Variants in HMCN2 observed in about 807,000 individuals in gnomAD.
HMCN2 encodes hemicentin-2.
HMCN2 carries 325 observed loss-of-function variants against 377.5 expected under a neutral mutation model. The observed-to-expected ratio is 0.86, with a 90% CI of 0.79 to 0.94. The LOEUF is 0.94. Among genes scored for constraint, HMCN2 ranks in the 40% least tolerant of loss-of-function variants. HMCN2 has a pLI of 0.00. For missense variants in HMCN2, 4,543 were observed against 4,725.3 expected (o/e 0.96, Z 1.13); for synonymous variants, 2,007 against 2,046.8 (o/e 0.98, Z 0.53).
chr9:130,387,630 C>T (rs945596743), intron 61 of HMCN2, among the ~76,000 whole-genome samples: 2 of 152,188 alleles, frequency 1.3e-5, no homozygotes, highest in Admixed American at 6.5e-5. Context: ...CTAGAGTGAT[C>T]GTGGGCTCAG....
At chr9:130,404,023 G>A in intron 80 of HMCN2, 148 bp downstream of exon 80, 5 of 750,738 alleles carry the variant, frequency 6.7e-6, no homozygotes, top group Non-Finnish European at 9.1e-6. Context: ...GTGCGCCTGA[G>A]TTCTGGTTTC....
chr9:130,399,479 C>A lies in HMCN2; in HGVS notation c.11484-32C>A, dbSNP rs762753574. On this transcript the variant is annotated intron_variant, in intron 75 of 97. Coordinates refer to ENST00000683500, the MANE Select transcript of HMCN2 (RefSeq NM_001291815.2). The stretch of plus-strand genomic sequence containing the variant: ...CCACAGCTGGTCTCTGTCAGCCCAG[C>A]AGCCACTTGGCCGTCTGTCTGTCCA... 3 of 1,253,924 alleles carry A rather than the reference C, an allele frequency of 2.4e-6. No individual in the cohort carries two copies. The South Asian group carries it at 3.8e-5, about 16-fold the overall frequency. 77.7% of individuals were successfully genotyped at this position (1,253,924 alleles called of 1,614,324 possible).
At chr9:130,322,726 T>C (rs1245832565) in intron 19 of HMCN2, among the ~76,000 whole-genome samples, 2 of 152,212 alleles carry the variant, frequency 1.3e-5, no homozygotes, top group Non-Finnish European at 2.9e-5. Context: ...TCACAGAGAT[T>C]GTACGTTTTT....
At chr9:130,390,420 AGTTGCTCGT>A (rs943282811) in intron 62 of HMCN2, among the ~76,000 whole-genome samples, 2 of 152,180 alleles carry the variant, frequency 1.3e-5, no homozygotes, top group African/African-American at 4.8e-5. Context: ...GACATGGGGC[AGTTGCTCGT>A]GTCTTTGTGT....
chr9:130,428,622 A>G lies in HMCN2; in HGVS notation c.14197+133A>G, dbSNP rs749331858. 17 of 1,279,252 alleles carry G rather than the reference A, an allele frequency of 1.3e-5. No individual in the cohort carries two copies. Among genetic ancestry groups the G allele is most frequent in the Non-Finnish European group, 1.7e-5 (16 of 941,806 alleles). 79.2% of individuals were successfully genotyped at this position (1,279,252 alleles called of 1,614,324 possible). On this transcript the variant is annotated intron_variant, in intron 93 of 97. Coordinates refer to ENST00000683500, the MANE Select transcript of HMCN2 (RefSeq NM_001291815.2). The surrounding 1 kb of genome is among the most constrained non-coding windows in gnomAD (Gnocchi z 5.0). Reference sequence around the variant, plus strand: ...GACTGGGACTCTTGGCAGAAGGAGTACAGCAAGGCTGGGGACAAAGCCTGC... The same window carrying G: ...GACTGGGACTCTTGGCAGAAGGAGTGCAGCAAGGCTGGGGACAAAGCCTGC...
At chr9:130,349,484 G>T in intron 28 of HMCN2, 53 bp from the exon 29 acceptor site, 2 of 1,287,630 alleles carry the variant, frequency 1.6e-6, no homozygotes, top group Non-Finnish European at 2.0e-6. Flanking sequence ...CGTGGTAGGC[G>T]GGGCTTGCAG....
rs1564863778 is a variant in HMCN2 at position 130,406,042 on chromosome 9, C to T, written c.12427C>T (p.Pro4143Ser). Reference sequence around the variant, plus strand: ...CGTGCACCTCACCATCCTGGTACTGCCTGTGTTCACCACCCTGCCTGGGGA... The same window carrying T: ...CGTGCACCTCACCATCCTGGTACTGTCTGTGTTCACCACCCTGCCTGGGGA... ...RRVHLTILVL[P>S]VFTTLPGDRS... Residue 4143 changes from proline (P) to serine (S), a missense_variant, in exon 82 of 98, where the codon CCT (proline) becomes TCT (serine). Around this residue, in one of 5 missense-constraint regions of HMCN2, gnomAD observed 1,073 missense variants for 1,319.5 expected, o/e 0.81. Coordinates refer to ENST00000683500, the MANE Select transcript of HMCN2 (RefSeq NM_001291815.2). 1 of 1,289,878 alleles carries T rather than the reference C, an allele frequency of 7.8e-7. No individual in the cohort carries two copies. Among genetic ancestry groups the T allele is most frequent in the Non-Finnish European group, 1.0e-6 (1 of 988,888 alleles). The allele number at this position is 1,289,878 out of a possible 1,614,324, so 79.9% of individuals were successfully genotyped here.
intron 15 of HMCN2, among the ~76,000 whole-genome samples, chr9:130,311,784 C>T (rs995183575): frequency 6.6e-6 from 1 of 152,126 alleles, no homozygotes; most frequent in South Asian, 2.1e-4. Flanking sequence ...AGGACGGCTG[C>T]CACCTGGTAC....
chr9:130,273,302 GT>G (rs1347945927), intron 1 of HMCN2, among the ~76,000 whole-genome samples: 3 of 151,656 alleles, frequency 2.0e-5, no homozygotes, highest in Admixed American at 6.6e-5. Context: ...TTTTACTAAA[GT>G]TTTTTTTAAC....
intron 19 of HMCN2, among the ~76,000 whole-genome samples, chr9:130,323,494 G>T (rs1837958974): frequency 6.6e-6 from 1 of 152,208 alleles, no homozygotes; most frequent in South Asian, 2.1e-4. Context: ...GGGAACTGGG[G>T]TTAAATTAGC....
At chr9:130,427,707 C>A in intron 92 of HMCN2, 88 bp downstream of exon 92, 1 of 1,438,360 alleles carries the variant, frequency 7.0e-7, no homozygotes, top group South Asian at 1.4e-5. Flanking sequence ...AGGACCCTGG[C>A]TGGGGACACA....
In HMCN2 at chr9:130,284,193, G is replaced by T. The variant is rs1564746030; in HGVS notation, c.260-410G>T. Reference sequence around the variant, plus strand: ...AGCTGGTGTTGGAGAGTTGCTGTGTGTCCCAGAATGGATTGTTTGTTTGCT... The same window carrying T: ...AGCTGGTGTTGGAGAGTTGCTGTGTTTCCCAGAATGGATTGTTTGTTTGCT... On this transcript the variant is annotated intron_variant, in intron 1 of 97. Transcript: ENST00000683500. Among the ~76,000 whole-genome samples, 3 of 152,204 alleles carry T rather than the reference G, an allele frequency of 2.0e-5. No homozygotes were observed. The South Asian group carries it at 6.2e-4, about 32-fold the overall frequency.
intron 4 of HMCN2, among the ~76,000 whole-genome samples, chr9:130,291,653 C>G (rs139175447): frequency 2.7e-4 from 41 of 152,338 alleles, no homozygotes; most frequent in African/African-American, 9.9e-4. Context: ...TTATCTATCT[C>G]TTTATACTTT....
chr9:130,423,641 A>C lies in HMCN2; in HGVS notation c.13381+915A>C, dbSNP rs1278554913. On this transcript the variant is annotated intron_variant, in intron 87 of 97. Transcript: ENST00000683500. The surrounding 1 kb of genome is among the most constrained non-coding windows in gnomAD (Gnocchi z 5.5). ...CCTGGCCAGCTCCTGTGAACCTTGC[A>C]AAGCTGGCACCGTCCCTGACTCAGA... Among the ~76,000 whole-genome samples the C allele has an allele frequency of 6.6e-6, 1 of 152,140 alleles. No individual in the cohort carries two copies. Among genetic ancestry groups the C allele is most frequent in the Non-Finnish European group, 1.5e-5 (1 of 68,020 alleles).
Position 130,391,997 on chromosome 9 carries a change from C to T in HMCN2, c.10015C>T (p.Leu3339=), listed in dbSNP as rs897419607. The T allele has an allele frequency of 1.9e-5, 19 of 988,162 alleles. No individual in the cohort carries two copies. The highest frequency in any genetic ancestry group is 5.6e-4 in the Middle Eastern group (2 of 3,566). The allele number at this position is 988,162 out of a possible 1,614,324, so 61.2% of individuals were successfully genotyped here. A position where few individuals can be genotyped will look rare whatever the true frequency, so the allele number is the denominator to read the frequency against. Residue 3339 remains leucine, a synonymous_variant, in exon 66 of 98, where the codon CTG becomes TTG. Coordinates refer to ENST00000683500, the MANE Select transcript of HMCN2 (RefSeq NM_001291815.2). The part of the protein sequence containing the change: ...SGTLVSRPGE[L]VTMVCPVRGS... ...GACCCTGGTGAGCAGGCCTGGGGAG[C>T]TGGTGACCATGGTGTGCCCTGTGCG...
intron 60 of HMCN2, 62 bp from the exon 61 acceptor site, chr9:130,386,381 G>A: frequency 1.8e-6 from 2 of 1,109,166 alleles, no homozygotes; most frequent in South Asian, 2.7e-5. Context: ...ATGCTTTTGG[G>A]GAGCCCTAGC....
At chr9:130,344,313 G>A (rs989518147) in intron 25 of HMCN2, among the ~76,000 whole-genome samples, 4 of 151,868 alleles carry the variant, frequency 2.6e-5, no homozygotes, top group Admixed American at 1.3e-4. Context: ...TGTGGGATGT[G>A]TGTGCATGTA....
chr9:130,276,822 T>A (rs1253693076), intron 1 of HMCN2, among the ~76,000 whole-genome samples: 1 of 151,930 alleles, frequency 6.6e-6, no homozygotes, highest in African/African-American at 2.4e-5. Flanking sequence ...GATAGCTGAG[T>A]CTTGGGGAGG....
At chr9:130,317,382 G>A (rs1473960222) in intron 15 of HMCN2, among the ~76,000 whole-genome samples, 5 of 151,776 alleles carry the variant, frequency 3.3e-5, no homozygotes, top group Admixed American at 2.6e-4. Context: ...ATGCCAAATG[G>A]TACCCTTTAC....
Sources: gnomAD v4.1 joint callset for allele counts (sites outside exome capture counted in the v4.1 genomes callset) on GRCh38, gnomAD v4.1.1 for gene constraint, gnomAD v4.1.1 regional missense constraint, Gnocchi (gnomAD v3.1) non-coding constraint, MANE v1.5 for transcripts, NCBI Gene and HGNC (gene_info 2026-07-23, HGNC 2026-07-21) for gene names.